Variants in RGPD1 observed in about 807,000 individuals in gnomAD.
RGPD1 encodes the protein RANBP2-like and GRIP domain-containing protein 1.
A neutral mutation model predicts 40.6 loss-of-function variants in RGPD1; 7 were observed. The observed-to-expected ratio is 0.17, with a 90% CI of 0.10 to 0.32. RGPD1 has a LOEUF of 0.32. Ranked by LOEUF, RGPD1 falls within the 10% of genes least tolerant of loss-of-function variation. RGPD1 has a pLI of 1.00. For missense variants in RGPD1, 50 were observed against 472.5 expected (o/e 0.11, Z 8.29); for synonymous variants, 24 against 167.0 (o/e 0.14, Z 6.60).
At chr2:86,949,161 G>GTCC (rs1179995231) in intron 1 of RGPD1, among the ~76,000 whole-genome samples, 178 of 149,674 alleles carry the variant, frequency 1.2e-3, no homozygotes, top group African/African-American at 4.1e-3. Context: ...CTCCTGCTCC[G>GTCC]TCCTACCCAG....
intron 1 of RGPD1, 61 bp downstream of exon 1, chr2:86,942,369 C>T (rs1358835609): frequency 4.0e-5 from 53 of 1,338,352 alleles, no homozygotes; most frequent in Admixed American, 3.1e-4. Flanking sequence ...CTCGACCTGG[C>T]CGGGCGGCGG....
At chr2:86,937,227 A>G (rs1210520902), upstream of RGPD1, among the ~76,000 whole-genome samples, 2 of 92,022 alleles carry the variant, frequency 2.2e-5, 1 homozygote, top group African/African-American at 1.7e-4. Flanking sequence ...ACCAGGCATT[A>G]GAAGACTGAG....
upstream of RGPD1, among the ~76,000 whole-genome samples, chr2:86,941,377 G>A (rs1679734316): frequency 6.6e-6 from 1 of 150,458 alleles, no homozygotes; most frequent in Non-Finnish European, 1.5e-5. Flanking sequence ...GATTTGGGGG[G>A]CTATTCCTTT....
chr2:86,997,347 G>A (rs1489340494), intron 21 of RGPD1, among the ~76,000 whole-genome samples: 1 of 34,760 alleles, frequency 2.9e-5, no homozygotes, highest in Non-Finnish European at 5.6e-5. Flanking sequence ...TTGGAGTTCC[G>A]GTTTTCATGT....
At chr2:86,945,731 A>C (rs1680302368) in intron 1 of RGPD1, among the ~76,000 whole-genome samples, 1 of 150,392 alleles carries the variant, frequency 6.6e-6, no homozygotes, top group Non-Finnish European at 1.5e-5. Context: ...TACAAAAATG[A>C]GCCGGGCGTG....
At chr2:86,925,297 T>G (rs1395607602) in intron 1 of RGPD1, among the ~76,000 whole-genome samples, 1 of 151,246 alleles carries the variant, frequency 6.6e-6, no homozygotes, top group Non-Finnish European at 1.5e-5. Flanking sequence ...GATGGAGTCT[T>G]GCTCTGTTGC....
rs1681290692 is a variant in RGPD1 at position 86,974,356 on chromosome 2, GTATATACCAGCCACT to G, written c.1477_1491del (p.Tyr493_Leu497del). 1.4e-6 allele frequency: 1 copy of G among 718,054 alleles called. No homozygotes were observed. The highest frequency in any genetic ancestry group is 4.3e-5 in the Admixed American group (1 of 23,382). The allele number at this position is 718,054 out of a possible 1,614,324, so 44.5% of individuals were successfully genotyped here. A position where few individuals can be genotyped will look rare whatever the true frequency, so the allele number is the denominator to read the frequency against. On this transcript the variant is annotated inframe_deletion, in exon 11 of 23. Coordinates refer to ENST00000641458, the MANE Select transcript of RGPD1 (RefSeq NM_001382344.1). Reference sequence around the variant, plus strand: ...AAAACAGGTATTTCTCCTTGGAGTAGTATATACCAGCCACTTACAATTAAAGGAGAAATGTAATTC... The same window carrying G: ...AAAACAGGTATTTCTCCTTGGAGTAGTACAATTAAAGGAGAAATGTAATTC...
At chr2:86,942,812 C>T (rs982641945) in intron 1 of RGPD1, among the ~76,000 whole-genome samples, 6 of 151,892 alleles carry the variant, frequency 4.0e-5, no homozygotes, top group African/African-American at 9.7e-5. Context: ...CTGTGGGCGG[C>T]GTGGCGCTTG....
chr2:86,915,103 C>T (rs1469587197), intron 1 of RGPD1, among the ~76,000 whole-genome samples: 3 of 150,000 alleles, frequency 2.0e-5, no homozygotes, highest in Non-Finnish European at 4.4e-5. Context: ...CGAGACCAGC[C>T]TGGCCAACGT....
upstream of RGPD1, chr2:86,913,665 G>C (rs1007046196): frequency 5.4e-5 from 67 of 1,246,218 alleles, no homozygotes; most frequent in African/African-American, 9.5e-5. Flanking sequence ...CCAAGAGCCC[G>C]GCCGAGTGCA....
chr2:87,013,369 G>T lies in RGPD1; in HGVS notation c.*822G>T. On this transcript the variant is annotated 3_prime_UTR_variant, in exon 23 of 23. Coordinates refer to ENST00000641458, the MANE Select transcript of RGPD1 (RefSeq NM_001382344.1). ...CCACCAGGATGCTGGGGACACACGG[G>T]GCACAGTGCAGCCAGAGGCTTGGCC... 1 of 127,754 alleles carries T rather than the reference G, an allele frequency of 7.8e-6. No homozygotes were observed. Among genetic ancestry groups the T allele is most frequent in the South Asian group, 9.8e-5 (1 of 10,230 alleles). The allele number at this position is 127,754 out of a possible 1,614,324, so 7.9% of individuals were successfully genotyped here.
In RGPD1 at chr2:86,930,548, A is replaced by G. The variant is rs568000501; in HGVS notation, c.72+16627A>G. ...GGTGGCGGAAGGCCCAACAGCAGCTAAAGAGGATGAGGACAGTCCAGAGCA... is the reference window on the plus strand; with the variant it reads ...GGTGGCGGAAGGCCCAACAGCAGCTGAAGAGGATGAGGACAGTCCAGAGCA... On this transcript the variant is annotated intron_variant, in intron 1 of 22. Transcript: ENST00000398193. 84 of 1,574,454 alleles carry G rather than the reference A, an allele frequency of 5.3e-5. No homozygotes were observed. The African/African-American group carries it at 1.0e-3, about 19-fold the overall frequency.
At chr2:86,918,494 C>T (rs1451906497) in intron 1 of RGPD1, among the ~76,000 whole-genome samples, 1 of 115,022 alleles carries the variant, frequency 8.7e-6, no homozygotes, top group Non-Finnish European at 1.6e-5. Flanking sequence ...GAATGTTGCT[C>T]TGTCACCTAG....
chr2:86,955,985 C>T (rs1680702597), intron 4 of RGPD1, among the ~76,000 whole-genome samples: 1 of 150,206 alleles, frequency 6.7e-6, no homozygotes, highest in African/African-American at 2.5e-5. Flanking sequence ...TCTTTAATAA[C>T]TTGAAGGCAC....
intron 22 of RGPD1, among the ~76,000 whole-genome samples, chr2:87,009,321 AAG>A (rs1380350597): frequency 1.1e-4 from 2 of 18,810 alleles, no homozygotes; most frequent in South Asian, 2.8e-3. Context: ...AAAAAAAAAA[AAG>A]AGAAAGAAAC....
At chr2:86,937,384 T>A (rs1679427212), upstream of RGPD1, among the ~76,000 whole-genome samples, 1 of 151,794 alleles carries the variant, frequency 6.6e-6, no homozygotes, top group Non-Finnish European at 1.5e-5. Context: ...TTCTTTCAGT[T>A]TGACTATAGG....
rs868660043 is a variant in RGPD1, at chr2:86,914,210, G to A, written c.72+289G>A. On this transcript the variant is annotated intron_variant, in intron 1 of 22. Coordinates refer to the RGPD1 transcript ENST00000398193. Reference sequence around the variant, plus strand: ...GCGGCGGCGGCCTCGGCCTGGCCGGGCGGCGGCGGCGGCCTCGGCCTGGCC... The same window carrying A: ...GCGGCGGCGGCCTCGGCCTGGCCGGACGGCGGCGGCGGCCTCGGCCTGGCC... Among the ~76,000 whole-genome samples, 550 of 68,288 alleles carry A rather than the reference G, an allele frequency of 8.1e-3. 7 individuals are homozygous for A. The highest frequency in any genetic ancestry group is 9.9e-3 in the Non-Finnish European group (309 of 31,058). 44.8% of individuals were successfully genotyped at this position (68,288 alleles called of 152,430 possible).
At chr2:87,009,160 C>T (rs1463013853) in intron 22 of RGPD1, among the ~76,000 whole-genome samples, 5 of 46,178 alleles carry the variant, frequency 1.1e-4, no homozygotes, top group Non-Finnish European at 1.9e-4. Context: ...AAAAAATTAG[C>T]GGGGCGTGGT....
chr2:86,945,144 C>T (rs1573614776), intron 1 of RGPD1, among the ~76,000 whole-genome samples: 2 of 151,668 alleles, frequency 1.3e-5, no homozygotes, highest in South Asian at 4.2e-4. Context: ...TTAGAATGTT[C>T]TTTCAACTAC....
Sources: gnomAD v4.1 joint callset for allele counts (sites outside exome capture counted in the v4.1 genomes callset) on GRCh38, gnomAD v4.1.1 for gene constraint, MANE v1.5 for transcripts, NCBI Gene and HGNC (gene_info 2026-07-23, HGNC 2026-07-21) for gene names.